The following LNX2 variants were observed in gnomAD, a reference collection of about 807,000 sequenced individuals.
The protein encoded by LNX2 is ligand of Numb protein X 2.
Under a neutral mutation model 66.2 loss-of-function variants are expected in LNX2, and 35 were observed. That is an observed-to-expected ratio of 0.53 (90% CI 0.40 to 0.70). The LOEUF is 0.70. Among genes scored for constraint, LNX2 ranks in the 30% least tolerant of loss-of-function variants. The pLI, the probability that LNX2 is intolerant of heterozygous loss-of-function variation, is 0.00. For missense variants in LNX2, 791 were observed against 850.8 expected, an observed-to-expected ratio of 0.93 and a Z score of 0.87; for synonymous variants, 337 against 315.6, an observed-to-expected ratio of 1.07 and a Z score of -0.72.
chr13:27,584,255 T>C (rs1955458718), intron 1 of LNX2, among the ~76,000 whole-genome samples: 1 of 151,968 alleles, frequency 6.6e-6, no homozygotes, highest in Non-Finnish European at 1.5e-5. Flanking sequence ...AAAAACAACA[T>C]TAAAGTAGGC....
chr13:27,617,485 G>C (rs1335825681), intron 1 of LNX2, among the ~76,000 whole-genome samples: 1 of 152,112 alleles, frequency 6.6e-6, no homozygotes. Flanking sequence ...CAATTGTAAA[G>C]GAAAGAAAGA....
intron 1 of LNX2, among the ~76,000 whole-genome samples, chr13:27,586,182 GCTAT>G (rs760920467): frequency 1.7e-4 from 26 of 151,568 alleles, no homozygotes; most frequent in African/African-American, 3.4e-4. Context: ...CAATGTAAGT[GCTAT>G]CTATTATTAA....
At chr13:27,559,819 T>TTA in intron 6 of LNX2, 23 bp downstream of exon 6, 9 of 1,333,072 alleles carry the variant, frequency 6.8e-6, no homozygotes, top group Admixed American at 2.5e-5. Flanking sequence ...GATGGTGGCA[T>TTA]AAAAAAAAAA....
intron 6 of LNX2, among the ~76,000 whole-genome samples, chr13:27,558,530 C>G (rs1955091004): frequency 6.6e-6 from 1 of 152,026 alleles, no homozygotes; most frequent in South Asian, 2.1e-4. Flanking sequence ...ATATACACCC[C>G]TATCTCAAAT....
At chr13:27,577,884 A>T (rs1343276212) in intron 2 of LNX2, among the ~76,000 whole-genome samples, 3 of 152,206 alleles carry the variant, frequency 2.0e-5, no homozygotes, top group Non-Finnish European at 2.9e-5. Context: ...GGAATGCTAT[A>T]TAGCTGATGT....
At chr13:27,557,029 T>C (rs553830969) in intron 6 of LNX2, among the ~76,000 whole-genome samples, 3 of 152,200 alleles carry the variant, frequency 2.0e-5, no homozygotes, top group African/African-American at 7.2e-5. Context: ...CAAATTAATA[T>C]CTCCTATTTT....
At chr13:27,586,588 CA>C (rs1955489121) in intron 1 of LNX2, among the ~76,000 whole-genome samples, 2 of 152,182 alleles carry the variant, frequency 1.3e-5, no homozygotes, top group Admixed American at 1.3e-4. Context: ...TGCTTTCTTT[CA>C]GCAAGTTTAG....
At chr13:27,563,359 G>A (rs987774714) in intron 4 of LNX2, among the ~76,000 whole-genome samples, 2 of 152,114 alleles carry the variant, frequency 1.3e-5, no homozygotes, top group African/African-American at 4.8e-5. Flanking sequence ...AAGAAAACCA[G>A]GTTAATTGTA....
At chr13:27,556,166 C>A (rs1955057520) in intron 7 of LNX2, 70 bp downstream of exon 7, 1 of 1,421,864 alleles carries the variant, frequency 7.0e-7, no homozygotes, top group Non-Finnish European at 9.6e-7. Flanking sequence ...TGTAGATATT[C>A]TTTATTTTTT....
At chr13:27,587,832 T>C (rs557503449) in intron 1 of LNX2, among the ~76,000 whole-genome samples, 31 of 152,028 alleles carry the variant, frequency 2.0e-4, no homozygotes, top group South Asian at 8.3e-4. Context: ...CCATCCTGGC[T>C]AACACAGTGA....
intron 2 of LNX2, among the ~76,000 whole-genome samples, chr13:27,577,050 G>T (rs1232765760): frequency 2.0e-5 from 3 of 152,078 alleles, no homozygotes; most frequent in African/African-American, 7.2e-5. Context: ...TCTGGTAAGG[G>T]TCTAGTATCC....
intron 1 of LNX2, among the ~76,000 whole-genome samples, chr13:27,613,130 C>G (rs1043026213): frequency 6.6e-6 from 1 of 152,098 alleles, no homozygotes; most frequent in African/African-American, 2.4e-5. Context: ...TTAATCTGAA[C>G]AGGGGCGTTA....
chr13:27,556,702 GCTTCATGTTTGATCAA>G (rs1026888656), intron 6 of LNX2, among the ~76,000 whole-genome samples: 8 of 152,278 alleles, frequency 5.3e-5, no homozygotes, highest in South Asian at 4.1e-4. Context: ...ATTTGTTTGA[GCTTCATGTTTGATCAA>G]CTTCACAAAA....
At chr13:27,605,096 C>G (rs1955699975) in intron 1 of LNX2, among the ~76,000 whole-genome samples, 1 of 152,120 alleles carries the variant, frequency 6.6e-6, no homozygotes, top group Non-Finnish European at 1.5e-5. Context: ...AACAAAGAAC[C>G]AATTACTCTT....
In LNX2 at chr13:27,612,650, G is replaced by A. The variant is rs188564631; in HGVS notation, c.-101+7725C>T. 3.8e-4 allele frequency among the ~76,000 whole-genome samples: 58 copies of A among 152,254 alleles called. 1 individual carries two copies. In the East Asian group the frequency reaches 3.9e-3, roughly 10 times the overall value. On this transcript the variant is annotated intron_variant, in intron 1 of 9. Transcript: ENST00000316334. Reference sequence around the variant, plus strand: ...TCTCACTCTTGTTGCCCAGGCTGGAGTGCAGTGGCACAATCACAGCTCACT... The same window carrying A: ...TCTCACTCTTGTTGCCCAGGCTGGAATGCAGTGGCACAATCACAGCTCACT...
intron 8 of LNX2, among the ~76,000 whole-genome samples, chr13:27,550,967 ATC>A (rs1486194483): frequency 7.2e-5 from 11 of 152,222 alleles, no homozygotes; most frequent in Admixed American, 7.2e-4. Flanking sequence ...GCAGATAATT[ATC>A]TCTCTTTTCT....
At chr13:27,568,975 AGTGG>A in intron 3 of LNX2, 50 bp downstream of exon 3, 2 of 1,509,396 alleles carry the variant, frequency 1.3e-6, no homozygotes, top group Non-Finnish European at 1.8e-6. Context: ...TTGGGCAAGT[AGTGG>A]GAAGAAAGGA....
intron 2 of LNX2, among the ~76,000 whole-genome samples, chr13:27,577,912 A>C (rs762722751): frequency 6.6e-6 from 1 of 152,220 alleles, no homozygotes; most frequent in Non-Finnish European, 1.5e-5. Flanking sequence ...CAGAATTTCA[A>C]AGAAACAATC....
At chr13:27,608,125 C>T (rs1268491038) in intron 1 of LNX2, among the ~76,000 whole-genome samples, 2 of 152,196 alleles carry the variant, frequency 1.3e-5, no homozygotes, top group Non-Finnish European at 2.9e-5. Context: ...TCAATAAACA[C>T]CCAGTGGGAA....
Sources: gnomAD v4.1 joint callset for allele counts (sites outside exome capture counted in the v4.1 genomes callset) on GRCh38, gnomAD v4.1.1 for gene constraint, MANE v1.5 for transcripts, NCBI Gene and HGNC (gene_info 2026-07-23, HGNC 2026-07-21) for gene names.